The following SMAD9 variants were observed in gnomAD, a reference collection of about 807,000 sequenced individuals.
SMAD9 encodes the protein MAD homolog 9.
A neutral mutation model predicts 46.1 loss-of-function variants in SMAD9; 36 were observed. The ratio of observed to expected loss-of-function variants is 0.78; its 90% CI spans 0.60 to 1.03. The LOEUF (loss-of-function observed/expected upper bound fraction) is 1.03. Among genes scored for constraint, SMAD9 ranks in the 50% least tolerant of loss-of-function variants. The probability of loss-of-function intolerance (pLI) is 0.00; values close to 1 mark genes in which losing one functional copy is unlikely to be tolerated. For missense variants in SMAD9, 572 were observed against 599.8 expected, an observed-to-expected ratio of 0.95 and a Z score of 0.48; for synonymous variants, 245 against 237.1, an observed-to-expected ratio of 1.03 and a Z score of -0.31.
chr13:36,882,181 TATA>T (rs1427446173), intron 1 of SMAD9, among the ~76,000 whole-genome samples: 5 of 152,014 alleles, frequency 3.3e-5, no homozygotes, highest in South Asian at 4.2e-4. Flanking sequence ...GAAAAATAAG[TATA>T]ATAATAATCA....
At chr13:36,859,955 C>T (rs1389578950) in intron 5 of SMAD9, among the ~76,000 whole-genome samples, 1 of 148,368 alleles carries the variant, frequency 6.7e-6, no homozygotes, top group Non-Finnish European at 1.5e-5. Flanking sequence ...AGCGAAACTC[C>T]ATCTCAAAAA....
intron 5 of SMAD9, among the ~76,000 whole-genome samples, chr13:36,859,751 G>A (rs906035623): frequency 2.6e-5 from 4 of 152,032 alleles, no homozygotes; most frequent in Non-Finnish European, 5.9e-5. Flanking sequence ...GCCGGAGGTC[G>A]GGAGTTTGAG....
Position 36,904,283 on chromosome 13 carries a change from A to T in SMAD9, c.-187+15833T>A, listed in dbSNP as rs1407680144. Among the ~76,000 whole-genome samples, 9 of 152,284 alleles carry T rather than the reference A, an allele frequency of 5.9e-5. No individual in the cohort carries two copies. In the East Asian group the frequency reaches 1.7e-3, roughly 29 times the overall value. Reference sequence around the variant, plus strand: ...GGCAGGCAGTCTGATACCTGGTGGGAGTTAGATATGCGACTCTTGATCTTC... The same window carrying T: ...GGCAGGCAGTCTGATACCTGGTGGGTGTTAGATATGCGACTCTTGATCTTC... On this transcript the variant is annotated intron_variant, in intron 1 of 6. Transcript: ENST00000379826.
At chr13:36,879,961 C>T (rs192467894) in intron 1 of SMAD9, 86 bp from the exon 2 acceptor site, 2 of 489,440 alleles carry the variant, frequency 4.1e-6, no homozygotes, top group Admixed American at 3.3e-5. Flanking sequence ...GCAATCTACA[C>T]CTACAGTCCC....
At chr13:36,915,102 G>A (rs2058688911) in intron 1 of SMAD9, among the ~76,000 whole-genome samples, 1 of 152,156 alleles carries the variant, frequency 6.6e-6, no homozygotes, top group Non-Finnish European at 1.5e-5. Flanking sequence ...TGTATCTAGG[G>A]ATGTGCTCCT....
intron 5 of SMAD9, among the ~76,000 whole-genome samples, chr13:36,854,311 ATGAAG>A (rs1161862270): frequency 1.3e-5 from 2 of 152,242 alleles, no homozygotes; most frequent in Non-Finnish European, 2.9e-5. Context: ...AATATTAGAA[ATGAAG>A]TGAATATATC....
chr13:36,851,800 T>C, intron 6 of SMAD9: 2 of 977,566 alleles, frequency 2.0e-6, no homozygotes, highest in Non-Finnish European at 2.4e-6. Flanking sequence ...AGGAACAGTT[T>C]GTCTTCTGTG....
At chr13:36,858,753 G>GAT (rs1400555350) in intron 5 of SMAD9, among the ~76,000 whole-genome samples, 2 of 152,206 alleles carry the variant, frequency 1.3e-5, no homozygotes, top group Non-Finnish European at 2.9e-5. Context: ...CCACAGCCCA[G>GAT]AAATAATCAA....
intron 1 of SMAD9, among the ~76,000 whole-genome samples, chr13:36,910,647 A>G (rs1291657358): frequency 6.6e-6 from 1 of 152,112 alleles, no homozygotes; most frequent in African/African-American, 2.4e-5. Context: ...CTCCCTGCCC[A>G]GAAGGCCCCT....
chr13:36,898,918 C>A (rs887417160), intron 1 of SMAD9, among the ~76,000 whole-genome samples: 1 of 151,830 alleles, frequency 6.6e-6, no homozygotes, highest in South Asian at 2.1e-4. Context: ...CTAGCCAGTG[C>A]GATAAAGCAA....
intron 6 of SMAD9, chr13:36,851,703 A>T (rs2058076167): frequency 1.0e-6 from 1 of 964,602 alleles, no homozygotes; most frequent in Non-Finnish European, 1.2e-6. Flanking sequence ...GCCCAGTGGT[A>T]GCTACAGCTG....
chr13:36,898,680 T>C lies in SMAD9; in HGVS notation c.-186-18805A>G, dbSNP rs182892193. Among the ~76,000 whole-genome samples, 1,087 of 152,212 alleles carry C rather than the reference T, an allele frequency of 7.1e-3. 9 individuals are homozygous for C. Among genetic ancestry groups the C allele is most frequent in the African/African-American group, 0.024 (1,017 of 41,516 alleles). On this transcript the variant is annotated intron_variant, in intron 1 of 6. Transcript: ENST00000379826. ...AATGCCATACTATCATGTTAATAGATGCAGAAAAAAACATTTGACACTATT... is the reference window on the plus strand; with the variant it reads ...AATGCCATACTATCATGTTAATAGACGCAGAAAAAAACATTTGACACTATT...
chr13:36,879,081 T>C (rs1278955257), intron 2 of SMAD9, among the ~76,000 whole-genome samples, 197 bp downstream of exon 2: 1 of 152,182 alleles, frequency 6.6e-6, no homozygotes, highest in Non-Finnish European at 1.5e-5. Context: ...TCATGGGAAC[T>C]TTCTTTGATT....
At chr13:36,882,768 T>C (rs1346167657) in intron 1 of SMAD9, among the ~76,000 whole-genome samples, 3 of 152,240 alleles carry the variant, frequency 2.0e-5, no homozygotes, top group Non-Finnish European at 2.9e-5. Flanking sequence ...TGCTTGTTTG[T>C]ATGCTTGGCA....
At chr13:36,881,638 A>G (rs1264422112) in intron 1 of SMAD9, among the ~76,000 whole-genome samples, 1 of 152,210 alleles carries the variant, frequency 6.6e-6, no homozygotes, top group Non-Finnish European at 1.5e-5. Context: ...CAAAAGGGAG[A>G]GTTGAGAGCT....
intron 1 of SMAD9, among the ~76,000 whole-genome samples, chr13:36,891,911 T>C (rs1177274064): frequency 6.6e-6 from 1 of 152,110 alleles, no homozygotes; most frequent in African/African-American, 2.4e-5. Context: ...ATTCTTAAGG[T>C]TGGGAAAGAA....
chr13:36,913,720 T>C (rs2058678194), intron 1 of SMAD9, among the ~76,000 whole-genome samples: 2 of 152,202 alleles, frequency 1.3e-5, no homozygotes, highest in African/African-American at 4.8e-5. Flanking sequence ...TAAATGTTTG[T>C]CTTTGACAAA....
chr13:36,858,898 G>C (rs919647744), intron 5 of SMAD9, among the ~76,000 whole-genome samples: 1 of 152,058 alleles, frequency 6.6e-6, no homozygotes, highest in Non-Finnish European at 1.5e-5. Context: ...TTTTTGTAGT[G>C]ACAGGGTCTC....
chr13:36,915,532 AAAG>A, intron 1 of SMAD9, among the ~76,000 whole-genome samples: 1 of 152,204 alleles, frequency 6.6e-6, no homozygotes, highest in Non-Finnish European at 1.5e-5. Context: ...TCAGAGTACC[AAAG>A]AATGAGACAA....
Sources: allele counts gnomAD v4.1 joint callset (sites outside exome capture counted in the v4.1 genomes callset), GRCh38; gene constraint gnomAD v4.1.1; transcripts MANE v1.5; gene names NCBI Gene and HGNC (gene_info 2026-07-23, HGNC 2026-07-21).